Variants in MRS2 observed in about 807,000 individuals in gnomAD.
MRS2 encodes the protein magnesium transporter MRS2, also known as magnesium transporter MRS2 homolog, mitochondrial.
Under a neutral mutation model 52.6 loss-of-function variants are expected in MRS2, and 40 were observed. The observed-to-expected ratio is 0.76, with a 90% CI of 0.59 to 0.99. The LOEUF (loss-of-function observed/expected upper bound fraction) is 0.99, where lower values mean the gene tolerates loss of function less well. Ranked by LOEUF, MRS2 falls within the 50% of genes least tolerant of loss-of-function variation. The pLI, the probability that MRS2 is intolerant of heterozygous loss-of-function variation, is 0.00. For synonymous variants in MRS2, 193 were observed against 195.9 expected (o/e 0.98, Z 0.13); for missense variants, 472 against 532.7 (o/e 0.89, Z 1.12).
chr6:24,418,790 T>C lies in MRS2; in HGVS notation c.1107+212T>C, dbSNP rs541798088. 38 of 388,926 alleles carry C rather than the reference T, an allele frequency of 9.8e-5. 1 individual carries two copies. The East Asian group carries it at 1.5e-3, about 15-fold the overall frequency. 24.1% of individuals were successfully genotyped at this position (388,926 alleles called of 1,614,324 possible). On this transcript the variant is annotated intron_variant, in intron 9 of 10. Coordinates refer to ENST00000378386, the MANE Select transcript of MRS2 (RefSeq NM_020662.4). ...GGCAGGCACCTGTAATCCCAGCTAC[T>C]TGGGAGGCTGAGGCAGGAGAATCAC...
intron 9 of MRS2, among the ~76,000 whole-genome samples, chr6:24,419,929 G>A (rs995056287): frequency 3.9e-5 from 6 of 152,208 alleles, no homozygotes; most frequent in South Asian, 2.1e-4. Context: ...ATCTGGCACA[G>A]TGTGATGCTG....
chr6:24,408,267 G>C, intron 2 of MRS2, 141 bp from the exon 3 acceptor site: 1 of 591,954 alleles, frequency 1.7e-6, no homozygotes, highest in Non-Finnish European at 3.1e-6. Flanking sequence ...TCTAAAGAAG[G>C]TCAGTAATGG....
chr6:24,421,629 T>C (rs1581711817), intron 9 of MRS2, among the ~76,000 whole-genome samples: 1 of 123,836 alleles, frequency 8.1e-6, no homozygotes, highest in South Asian at 2.6e-4. Flanking sequence ...GCTAGCATAC[T>C]TTATTCTCTA....
At chr6:24,405,789 C>CTTTTTAA in intron 2 of MRS2, among the ~76,000 whole-genome samples, 1 of 109,908 alleles carries the variant, frequency 9.1e-6, no homozygotes. Flanking sequence ...TTTTTTTTTC[C>CTTTTTAA]AAAAAAAAAA....
chr6:24,406,233 C>G (rs905394875), intron 2 of MRS2, among the ~76,000 whole-genome samples: 1 of 151,940 alleles, frequency 6.6e-6, no homozygotes, highest in African/African-American at 2.4e-5. Context: ...GTTTTCTCAT[C>G]TGAAAACTGA....
intron 9 of MRS2, among the ~76,000 whole-genome samples, chr6:24,420,502 T>TA (rs547280744): frequency 1.6e-3 from 243 of 152,358 alleles, no homozygotes; most frequent in Non-Finnish European, 2.5e-3. Flanking sequence ...TTGCCTGTTA[T>TA]ATACCAAGCA....
chr6:24,421,895 TC>T (rs1762053064), intron 9 of MRS2, among the ~76,000 whole-genome samples: 1 of 152,184 alleles, frequency 6.6e-6, no homozygotes, highest in Non-Finnish European at 1.5e-5. Flanking sequence ...ACACCTGTAA[TC>T]CCAGCACTTT....
chr6:24,414,924 C>G, intron 5 of MRS2, 109 bp from the exon 6 acceptor site: 1 of 935,282 alleles, frequency 1.1e-6, no homozygotes, highest in South Asian at 2.5e-5. Flanking sequence ...GAAATGTTAC[C>G]AGCATTTCAA....
chr6:24,406,270 TG>T (rs749782791), intron 2 of MRS2, among the ~76,000 whole-genome samples: 22 of 152,224 alleles, frequency 1.4e-4, no homozygotes, highest in African/African-American at 4.6e-4. Context: ...AGAATTGTTA[TG>T]AGGATTAAAT....
chr6:24,403,387 G>A (rs1264348791), intron 1 of MRS2, 151 bp downstream of exon 1: 4 of 737,332 alleles, frequency 5.4e-6, no homozygotes, highest in East Asian at 3.0e-5. Context: ...ACAGGCCCGC[G>A]GGCCGAGCTG....
chr6:24,404,563 C>G (rs1215789747), intron 1 of MRS2, among the ~76,000 whole-genome samples: 8 of 152,168 alleles, frequency 5.3e-5, no homozygotes, highest in African/African-American at 1.9e-4. Context: ...GATTATACTT[C>G]ACCGCTCACT....
Position 24,418,555 on chromosome 6 carries a change from A to G in MRS2, c.1084A>G (p.Asn362Asp), listed in dbSNP as rs377618847. ...ACTAATGGGAGTTGCTTTTGGAATGAATTTGGAATCTTCCCTTGAAGAGGT... is the reference window on the plus strand; with the variant it reads ...ACTAATGGGAGTTGCTTTTGGAATGGATTTGGAATCTTCCCTTGAAGAGGT... ...FGLMGVAFGM[N>D]LESSLEEDHR... Residue 362 changes from asparagine (N) to aspartate (D), a missense_variant, in exon 9 of 11, where the codon AAT becomes GAT. Coordinates refer to ENST00000378386, the MANE Select transcript of MRS2 (RefSeq NM_020662.4). 5 of 1,613,180 alleles carry G rather than the reference A, an allele frequency of 3.1e-6. No individual in the cohort carries two copies. Among genetic ancestry groups the G allele is most frequent in the Non-Finnish European group, 4.2e-6 (5 of 1,179,316 alleles).
chr6:24,409,761 G>T (rs952844371), intron 4 of MRS2, among the ~76,000 whole-genome samples, 188 bp downstream of exon 4: 37 of 152,284 alleles, frequency 2.4e-4, no homozygotes, highest in African/African-American at 7.5e-4. Context: ...ATATGCACAT[G>T]TTCAATAGGC....
In MRS2 at chr6:24,418,184, C is replaced by G. The variant is rs1761917068; in HGVS notation, c.937C>G (p.Leu313Val). The G allele has an allele frequency of 6.2e-7, 1 of 1,613,410 alleles. No homozygotes were observed. Among genetic ancestry groups the G allele is most frequent in the Non-Finnish European group, 8.5e-7 (1 of 1,179,690 alleles). ...CGATCTCTCCAATGCAGCTCGTGAG[C>G]TTAGGGTGCTGATTGATGATTCACA... ...ADDLSNAARE[L>V]RVLIDDSQSI... The change falls in exon 8 of 11, where the codon CTT (leucine) becomes GTT (valine). Residue 313 changes from leucine (L) to valine (V), a missense_variant. Physicochemically the swap from Leu to Val is conservative, Grantham distance 32. Transcript: ENST00000378386.
intron 9 of MRS2, 147 bp from the exon 10 acceptor site, chr6:24,422,790 C>G: frequency 2.0e-6 from 1 of 502,704 alleles, no homozygotes; most frequent in South Asian, 3.5e-5. Context: ...TGGGTGCTAT[C>G]AAGGCCCTTG....
intron 4 of MRS2, among the ~76,000 whole-genome samples, chr6:24,410,572 G>A (rs1182204616): frequency 2.0e-5 from 3 of 151,660 alleles, no homozygotes; most frequent in Non-Finnish European, 2.9e-5. Context: ...TTTAGTCCCA[G>A]CTACTCAGGA....
intron 9 of MRS2, among the ~76,000 whole-genome samples, chr6:24,420,772 G>GA (rs1762018919): frequency 6.6e-6 from 1 of 152,164 alleles, no homozygotes; most frequent in South Asian, 2.1e-4. Context: ...GGGAACCACA[G>GA]AAGTAAAGAT....
rs757380127 is a variant in MRS2 at position 24,418,244 on chromosome 6, A to G, written c.989+8A>G. 2 of 1,566,708 alleles carry G rather than the reference A, an allele frequency of 1.3e-6. No homozygotes were observed. The highest frequency in any genetic ancestry group is 2.1e-5 in the Admixed American group (1 of 48,262). The stretch of plus-strand genomic sequence containing the variant: ...TTTCATTAATCTGGACAGGTAAGAA[A>G]GCATTATATAAAACTAAGTTTTTTT... On this transcript the variant is annotated splice_region_variant and intron_variant, in intron 8 of 10. Coordinates refer to ENST00000378386, the MANE Select transcript of MRS2 (RefSeq NM_020662.4).
chr6:24,420,641 G>A (rs770484249), intron 9 of MRS2, among the ~76,000 whole-genome samples: 1 of 152,222 alleles, frequency 6.6e-6, no homozygotes. Flanking sequence ...CCAGAGAAGC[G>A]GATAGAGAAT....
Sources: allele counts gnomAD v4.1 joint callset (sites outside exome capture counted in the v4.1 genomes callset), GRCh38; gene constraint gnomAD v4.1.1; transcripts MANE v1.5; gene names NCBI Gene and HGNC (gene_info 2026-07-23, HGNC 2026-07-21).